Variants in GLB1 observed in about 807,000 individuals in gnomAD.
GLB1 encodes the protein beta-galactosidase.
Under a neutral mutation model 74.0 loss-of-function variants are expected in GLB1, and 56 were observed. The ratio of observed to expected loss-of-function variants is 0.76; its 90% CI spans 0.61 to 0.94. GLB1 has a LOEUF of 0.94. Ranked by LOEUF, GLB1 falls within the 40% of genes least tolerant of loss-of-function variation. The probability of loss-of-function intolerance (pLI) is 0.00; values close to 1 mark genes in which losing one functional copy is unlikely to be tolerated. For synonymous variants in GLB1, 323 were observed against 323.6 expected, an observed-to-expected ratio of 1.00 and a Z score of 0.02; for missense variants, 787 against 845.5, an observed-to-expected ratio of 0.93 and a Z score of 0.86.
chr3:33,008,240 G>C (rs1428181660), intron 15 of GLB1, among the ~76,000 whole-genome samples: 1 of 152,170 alleles, frequency 6.6e-6, no homozygotes, highest in Non-Finnish European at 1.5e-5. Context: ...AAGATCCAGG[G>C]AGGGCTTTCT....
In GLB1 at chr3:33,024,395, A is replaced by G. The variant is rs1404653999; in HGVS notation, c.1069-70T>C. The G allele has an allele frequency of 6.7e-6, 10 of 1,499,766 alleles. No homozygotes were observed. In the Admixed American group the frequency reaches 1.8e-4, roughly 27 times the overall value. The allele number at this position is 1,499,766 out of a possible 1,614,324, so 92.9% of individuals were successfully genotyped here. A position where few individuals can be genotyped will look rare whatever the true frequency, so the allele number is the denominator to read the frequency against. ...AAACCTTCAGAAACATATTCATAAA[A>G]TTTATTATTTGAAAGCAAGGTCAAA... On this transcript the variant is annotated intron_variant, in intron 10 of 15. Transcript: ENST00000307363.
At chr3:33,052,481 C>T (rs1699035232) in intron 7 of GLB1, among the ~76,000 whole-genome samples, 1 of 152,070 alleles carries the variant, frequency 6.6e-6, no homozygotes, top group African/African-American at 2.4e-5. Context: ...AAAATACAAA[C>T]ATTAGCTGGG....
intron 11 of GLB1, among the ~76,000 whole-genome samples, chr3:33,022,563 G>GGTTTTTTTTTTTTTTTTTTTTTTTT (rs1380045437): frequency 6.5e-5 from 1 of 15,318 alleles, no homozygotes. Flanking sequence ...TACTGGTTAG[G>GGTTTTTTTTTTTTTTTTTTTTTTTT]ATTTTTTTTT....
At chr3:33,071,854 G>A (rs543109606) in intron 2 of GLB1, among the ~76,000 whole-genome samples, 4 of 152,160 alleles carry the variant, frequency 2.6e-5, no homozygotes, top group African/African-American at 4.8e-5. Flanking sequence ...CATTGCAGAG[G>A]GGTCCTGCTC....
At chr3:33,074,385 G>GAAAGAAAGAAAGAAAGAAAGAAAGA (rs1338351259) in intron 1 of GLB1, among the ~76,000 whole-genome samples, 819 of 19,842 alleles carry the variant, frequency 0.041, 134 homozygotes, top group Middle Eastern at 0.083. Flanking sequence ...AGGAAGGAAG[G>GAAAGAAAGAAAGAAAGAAAGAAAGA]AAGGAAGAAA....
intron 10 of GLB1, chr3:33,045,688 T>C (rs1575444614): frequency 2.9e-6 from 3 of 1,043,542 alleles, no homozygotes; most frequent in Admixed American, 4.8e-5. Context: ...GGGGCTCCCA[T>C]ATATCCATGC....
chr3:32,981,667 G>A, the GLB1 span, among the ~76,000 whole-genome samples: 105 of 151,608 alleles, frequency 6.9e-4, 2 homozygotes, highest in African/African-American at 2.4e-3. Flanking sequence ...TCAGCTACTC[G>A]GGAAGCTGAG....
At chr3:33,037,265 C>T (rs1439227070) in intron 10 of GLB1, among the ~76,000 whole-genome samples, 2 of 151,912 alleles carry the variant, frequency 1.3e-5, no homozygotes, top group Admixed American at 6.6e-5. Flanking sequence ...AGGCTGGTCT[C>T]GAACTCCTGA....
chr3:32,977,711 C>T, the GLB1 span, among the ~76,000 whole-genome samples: 2 of 152,130 alleles, frequency 1.3e-5, no homozygotes, highest in African/African-American at 4.8e-5. Context: ...CATGAAGGCT[C>T]CCTCAGTCAG....
At chr3:33,078,412 T>C (rs1056885506) in intron 1 of GLB1, among the ~76,000 whole-genome samples, 2 of 152,236 alleles carry the variant, frequency 1.3e-5, no homozygotes, top group African/African-American at 2.4e-5. Flanking sequence ...ATCTGCTCAA[T>C]TTCAGCCTCA....
chr3:32,966,092 A>G, the GLB1 span, among the ~76,000 whole-genome samples: 1 of 152,196 alleles, frequency 6.6e-6, no homozygotes, highest in East Asian at 1.9e-4. Context: ...CAAAGTCTCC[A>G]CTGCTGTATT....
intron 9 of GLB1, among the ~76,000 whole-genome samples, chr3:33,050,102 G>T (rs1698914396): frequency 1.3e-5 from 2 of 152,164 alleles, no homozygotes; most frequent in African/African-American, 4.8e-5. Flanking sequence ...TTAGCGAAAA[G>T]CCAGTACAGC....
At chr3:33,071,385 C>G (rs558162192) in intron 2 of GLB1, among the ~76,000 whole-genome samples, 1 of 152,208 alleles carries the variant, frequency 6.6e-6, no homozygotes, top group South Asian at 2.1e-4. Flanking sequence ...CACATCAGCA[C>G]TGCAAGAGCC....
At chr3:33,068,766 C>T (rs1699787014) in intron 3 of GLB1, 54 bp downstream of exon 3, 2 of 1,612,448 alleles carry the variant, frequency 1.2e-6, no homozygotes, top group East Asian at 2.2e-5. Flanking sequence ...TGCCCCAGAG[C>T]TGCTGCCTGC....
At chr3:32,995,844 C>CAAA (rs71070110), downstream of GLB1, among the ~76,000 whole-genome samples, 2 of 124,256 alleles carry the variant, frequency 1.6e-5, no homozygotes, top group African/African-American at 6.2e-5. Flanking sequence ...GACCCAGCCT[C>CAAA]AAAAAAAAAA....
chr3:33,092,489 G>A, intron 1 of GLB1: 3 of 1,066,132 alleles, frequency 2.8e-6, no homozygotes, highest in Non-Finnish European at 3.4e-6. Flanking sequence ...CCTTCTAGAG[G>A]TATGCCTTTC....
the GLB1 span, among the ~76,000 whole-genome samples, chr3:32,970,644 G>T: frequency 6.6e-6 from 1 of 152,124 alleles, no homozygotes; most frequent in African/African-American, 2.4e-5. Flanking sequence ...TGTTAAAGTT[G>T]CAGGTGTCAC....
the GLB1 span, among the ~76,000 whole-genome samples, chr3:32,982,753 G>T: frequency 6.6e-6 from 1 of 152,080 alleles, no homozygotes; most frequent in Admixed American, 6.6e-5. Flanking sequence ...GAACTTTCTA[G>T]AATCATCTTC....
intron 10 of GLB1, among the ~76,000 whole-genome samples, chr3:33,031,759 A>G (rs1013211818): frequency 6.7e-6 from 1 of 148,426 alleles, no homozygotes; most frequent in Non-Finnish European, 1.5e-5. Flanking sequence ...TTAAGCTGCA[A>G]TCTATCATAA....
Sources: gnomAD v4.1 joint callset for allele counts (sites outside exome capture counted in the v4.1 genomes callset) on GRCh38, gnomAD v4.1.1 for gene constraint, MANE v1.5 for transcripts, NCBI Gene and HGNC (gene_info 2026-07-23, HGNC 2026-07-21) for gene names.